Variants in UNC13C observed in about 807,000 individuals in gnomAD.
The protein encoded by UNC13C is unc-13 homolog C.
In UNC13C, 174 loss-of-function variants were observed where a neutral mutation model predicts 245.4. That is an observed-to-expected ratio of 0.71 (90% CI 0.63 to 0.80). UNC13C has a LOEUF of 0.80. UNC13C is among the 30% of genes least tolerant of loss of function. The pLI is 0.00. For missense variants in UNC13C, 2,829 were observed against 2,602.9 expected, an observed-to-expected ratio of 1.09 and a Z score of -1.89; for synonymous variants, 992 against 895.1, an observed-to-expected ratio of 1.11 and a Z score of -1.93.
intron 17 of UNC13C, among the ~76,000 whole-genome samples, chr15:54,382,562 G>A (rs116470028): frequency 0.014 from 2,158 of 151,936 alleles, 49 homozygotes; most frequent in African/African-American, 0.049. Context: ...GGGTGACAGA[G>A]TGAGACCCTA....
intron 7 of UNC13C, among the ~76,000 whole-genome samples, chr15:54,244,737 T>C (rs981357142): frequency 3.3e-5 from 5 of 152,218 alleles, no homozygotes; most frequent in Non-Finnish European, 7.4e-5. Context: ...GTAGCAATTG[T>C]GAATGGGAGT....
chr15:54,330,431 T>C (rs917875159), intron 14 of UNC13C, among the ~76,000 whole-genome samples: 1 of 151,956 alleles, frequency 6.6e-6, no homozygotes, highest in Non-Finnish European at 1.5e-5. Context: ...TAAGGAACAA[T>C]GGAAGAACGG....
At chr15:54,164,971 C>T (rs1414890089) in intron 4 of UNC13C, among the ~76,000 whole-genome samples, 1 of 152,080 alleles carries the variant, frequency 6.6e-6, no homozygotes, top group Non-Finnish European at 1.5e-5. Context: ...AAAACAAAAT[C>T]ACTTGTAAAA....
intron 2 of UNC13C, among the ~76,000 whole-genome samples, chr15:54,059,270 A>G (rs928106377): frequency 1.3e-5 from 2 of 152,206 alleles, no homozygotes; most frequent in African/African-American, 4.8e-5. Context: ...GCAAAGCCTC[A>G]GGATACAAAA....
At chr15:53,939,793 G>T in the UNC13C span, among the ~76,000 whole-genome samples, 27 of 146,572 alleles carry the variant, frequency 1.8e-4, no homozygotes, top group South Asian at 6.5e-4. Context: ...GTCATTGTAA[G>T]GTCAGCCAAG....
chr15:53,978,076 C>T (rs1248184537), upstream of UNC13C, among the ~76,000 whole-genome samples: 1 of 152,196 alleles, frequency 6.6e-6, no homozygotes, highest in African/African-American at 2.4e-5. Context: ...TTTCATAATT[C>T]CAAGTACAGT....
At chr15:54,116,321 T>A (rs185435158) in intron 2 of UNC13C, among the ~76,000 whole-genome samples, 1 of 152,302 alleles carries the variant, frequency 6.6e-6, no homozygotes, top group African/African-American at 2.4e-5. Flanking sequence ...ATACAATAGA[T>A]AATCATAAAG....
intron 2 of UNC13C, among the ~76,000 whole-genome samples, chr15:54,089,641 T>C (rs968965835): frequency 2.0e-5 from 3 of 147,814 alleles, no homozygotes; most frequent in Admixed American, 7.0e-5. Context: ...AAAGCACTTA[T>C]GGTTATTGCT....
intron 17 of UNC13C, among the ~76,000 whole-genome samples, chr15:54,355,094 C>T (rs957566609): frequency 3.9e-5 from 6 of 152,084 alleles, no homozygotes; most frequent in Admixed American, 2.6e-4. Context: ...ACAGAGAGTC[C>T]CCACCAAGAA....
chr15:54,197,783 G>A (rs2034403849), intron 4 of UNC13C, among the ~76,000 whole-genome samples: 3 of 152,102 alleles, frequency 2.0e-5, no homozygotes, highest in African/African-American at 7.2e-5. Flanking sequence ...TTTGCTCCAA[G>A]AACTAGTGCA....
the UNC13C span, among the ~76,000 whole-genome samples, chr15:53,905,038 A>G: frequency 6.6e-6 from 1 of 152,156 alleles, no homozygotes; most frequent in Non-Finnish European, 1.5e-5. Context: ...ACAAGCAGAT[A>G]TGACTTATAT....
At chr15:53,896,659 TA>T in the UNC13C span, among the ~76,000 whole-genome samples, 2 of 152,152 alleles carry the variant, frequency 1.3e-5, no homozygotes, top group Non-Finnish European at 2.9e-5. Flanking sequence ...TCAGGGCAAC[TA>T]GTTGCTCAGC....
intron 24 of UNC13C, among the ~76,000 whole-genome samples, chr15:54,523,978 C>T (rs1349896981): frequency 6.6e-6 from 1 of 152,148 alleles, no homozygotes; most frequent in African/African-American, 2.4e-5. Flanking sequence ...ATTCAGCCTG[C>T]ATGATTCCTT....
upstream of UNC13C, chr15:53,976,670 A>G (rs1205108337): frequency 6.6e-6 from 1 of 151,798 alleles, no homozygotes; most frequent in Non-Finnish European, 1.5e-5. Flanking sequence ...TAGACCGCTC[A>G]TGGTTAGAAT....
At chr15:53,875,933 G>C in the UNC13C span, among the ~76,000 whole-genome samples, 1 of 152,114 alleles carries the variant, frequency 6.6e-6, no homozygotes, top group Non-Finnish European at 1.5e-5. Flanking sequence ...AACAAAAGGT[G>C]GTAAGGAAAG....
chr15:54,551,428 C>T (rs531262144), intron 28 of UNC13C, among the ~76,000 whole-genome samples: 1 of 151,992 alleles, frequency 6.6e-6, no homozygotes, highest in Non-Finnish European at 1.5e-5. Context: ...AACTGACATA[C>T]TCACCCTGAG....
chr15:53,980,417 T>A (rs1893880476), intron 1 of UNC13C, among the ~76,000 whole-genome samples: 1 of 152,214 alleles, frequency 6.6e-6, no homozygotes, highest in Non-Finnish European at 1.5e-5. Flanking sequence ...TATGTTGACA[T>A]CTTGTATAAA....
chr15:54,576,761 C>G (rs1451121116), intron 30 of UNC13C, among the ~76,000 whole-genome samples: 1 of 152,178 alleles, frequency 6.6e-6, no homozygotes, highest in African/African-American at 2.4e-5. Context: ...TGTGACAGTT[C>G]CCTAGCACAG....
intron 2 of UNC13C, among the ~76,000 whole-genome samples, chr15:54,052,002 AT>A (rs1388826854): frequency 7.8e-6 from 1 of 127,528 alleles, no homozygotes; most frequent in African/African-American, 3.0e-5. Flanking sequence ...ATGAGTGAGA[AT>A]ATGCGGTGTT....
Sources: allele counts gnomAD v4.1 joint callset (sites outside exome capture counted in the v4.1 genomes callset), GRCh38; gene constraint gnomAD v4.1.1; transcripts MANE v1.5; gene names NCBI Gene and HGNC (gene_info 2026-07-23, HGNC 2026-07-21).